Variants in RNF213 observed in about 807,000 individuals in gnomAD.
The protein encoded by RNF213 is ring finger protein 213, also known as E3 ubiquitin-protein ligase RNF213.
Under a neutral mutation model 514.4 loss-of-function variants are expected in RNF213, and 341 were observed. The ratio of observed to expected loss-of-function variants is 0.66; its 90% CI spans 0.61 to 0.73. The LOEUF (loss-of-function observed/expected upper bound fraction) is 0.73, where lower values mean the gene tolerates loss of function less well. Among genes scored for constraint, RNF213 ranks in the 30% least tolerant of loss-of-function variants. The pLI is 0.00. For missense variants in RNF213, 5,767 were observed against 6,615.6 expected, an observed-to-expected ratio of 0.87 and a Z score of 4.45; for synonymous variants, 2,655 against 2,658.2, an observed-to-expected ratio of 1.00 and a Z score of 0.04.
Position 80,361,734 on chromosome 17 carries a change from G to A in RNF213, c.11201G>A (p.Gly3734Glu). Residue 3734 changes from glycine to glutamate, a missense_variant and splice_region_variant, in exon 39 of 68, where the codon GGA becomes GAA. Gly to Glu is a moderately conservative substitution (Grantham distance 98). Transcript: ENST00000582970. Reference protein sequence around the residue: ...VQAQYITDAEGLPKKFVDIFQ... With the variant: ...VQAQYITDAEELPKKFVDIFQ... Reference sequence around the variant, plus strand: ...CCGCTCCTTGGTTTCCTCTCTGCAGGACTGCCCAAGAAGTTCGTGGACATC... The same window carrying A: ...CCGCTCCTTGGTTTCCTCTCTGCAGAACTGCCCAAGAAGTTCGTGGACATC... 23 of 1,613,304 alleles carry A rather than the reference G, an allele frequency of 1.4e-5. No homozygotes were observed. The highest frequency in any genetic ancestry group is 1.9e-5 in the Non-Finnish European group (23 of 1,179,606).
At chr17:80,374,612 C>G in intron 50 of RNF213, 23 bp downstream of exon 50, 1 of 1,613,586 alleles carries the variant, frequency 6.2e-7, no homozygotes, top group Non-Finnish European at 8.5e-7. Flanking sequence ...CGTGGCTTCT[C>G]TCTGATACCA....
Position 80,390,137 on chromosome 17 carries a change from A to C in RNF213, c.15411A>C (p.Ile5137=), listed in dbSNP as rs749870462. The C allele has an allele frequency of 5.6e-6, 9 of 1,614,082 alleles. No individual in the cohort carries two copies. The African/African-American group carries it at 9.3e-5, about 17-fold the overall frequency. Residue 5137 remains isoleucine (I), a synonymous_variant, in exon 67 of 68, where the codon ATA becomes ATC. Coordinates refer to ENST00000582970, the MANE Select transcript of RNF213 (RefSeq NM_001256071.3). ...DAFLLELHEM[I]ILKLKNPQTQ... ...TCCTGCTAGAGCTGCACGAAATGAT[A>C]ATCTTGAAACTAAAGAACCCCCAAA...
chr17:80,280,097 T>A (rs367622664), intron 3 of RNF213, among the ~76,000 whole-genome samples: 25 of 150,124 alleles, frequency 1.7e-4, no homozygotes, highest in African/African-American at 6.3e-4. Flanking sequence ...CTTTCCTCTG[T>A]GGGCTGGGGC....
At chr17:80,348,507 TAC>T (rs1433455542) in intron 29 of RNF213, among the ~76,000 whole-genome samples, 1 of 152,218 alleles carries the variant, frequency 6.6e-6, no homozygotes, top group African/African-American at 2.4e-5. Flanking sequence ...AACAGCACCA[TAC>T]ACAGTGTTCA....
In RNF213 at chr17:80,397,939, A is replaced by G. The variant is rs941135606; in HGVS notation, c.*4441A>G. 1.4e-5 allele frequency: 2 copies of G among 147,354 alleles called. No individual in the cohort carries two copies. The highest frequency in any genetic ancestry group is 3.0e-5 in the Non-Finnish European group (2 of 67,200). 9.1% of individuals were successfully genotyped at this position (147,354 alleles called of 1,614,324 possible). A position where few individuals can be genotyped will look rare whatever the true frequency, so the allele number is the denominator to read the frequency against. On this transcript the variant is annotated 3_prime_UTR_variant, in exon 68 of 68. Coordinates refer to ENST00000582970, the MANE Select transcript of RNF213 (RefSeq NM_001256071.3). ...GCGCTCTCAGGCAGGCAATTGCCCCAGTGGAATGCCTGGCCAGAGCAGTGT... is the reference window on the plus strand; with the variant it reads ...GCGCTCTCAGGCAGGCAATTGCCCCGGTGGAATGCCTGGCCAGAGCAGTGT...
At position 80,353,602 on chromosome 17, in the gene RNF213, A is replaced by C. The variant is rs755356974; in HGVS notation, c.10514A>C (p.Glu3505Ala). The change falls in exon 34 of 68, where the codon GAG (glutamate) becomes GCG (alanine). Residue 3505 changes from glutamate (E) to alanine (A), a missense_variant. By Grantham distance (107) the Glu-to-Ala change is moderately radical. This residue lies in a region of RNF213 where 919 missense variants were observed against 1,121.0 expected (regional missense o/e 0.82). Transcript: ENST00000582970. This position sits in a 1 kb window ranked among gnomAD's most constrained non-coding sequence, Gnocchi z 5.0. ...TSGEVAEVAE[E>A]AMETESSEKV... ...GGGGAGGTGGCAGAGGTGGCAGAGG[A>C]GGCCATGGAAACAGAAAGTTCTGAG... 5 of 1,614,154 alleles carry C rather than the reference A, an allele frequency of 3.1e-6. No homozygotes were observed. Among genetic ancestry groups the C allele is most frequent in the South Asian group, 1.1e-5 (1 of 91,082 alleles).
At chr17:80,352,218 G>A (rs1422914432) in intron 32 of RNF213, 2 of 198,116 alleles carry the variant, frequency 1.0e-5, no homozygotes, top group Admixed American at 1.1e-4. Context: ...TGTACAGTCT[G>A]AAATTAGAAT....
At chr17:80,296,071 G>A (rs531864967) in intron 10 of RNF213, among the ~76,000 whole-genome samples, 1 of 152,290 alleles carries the variant, frequency 6.6e-6, no homozygotes, top group Admixed American at 6.5e-5. Flanking sequence ...CCAGGCTGGA[G>A]TACAGTGGCG....
intron 17 of RNF213, chr17:80,319,847 C>T (rs1180514799): frequency 2.5e-6 from 3 of 1,176,996 alleles, no homozygotes; most frequent in Non-Finnish European, 3.2e-6. Flanking sequence ...GCCACGGCTG[C>T]CCTGCTCACA....
At position 80,360,183 on chromosome 17, in the gene RNF213, C is replaced by A. The variant is rs760127427; in HGVS notation, c.11177C>A (p.Ala3726Asp). Residue 3726 changes from alanine to aspartate, a missense_variant, in exon 38 of 68, where the codon GCT becomes GAT. By Grantham distance (126) the Ala-to-Asp change is moderately radical. This residue lies in a region of RNF213 where 355 missense variants were observed against 358.0 expected (regional missense o/e 0.99). Coordinates refer to ENST00000582970, the MANE Select transcript of RNF213 (RefSeq NM_001256071.3). ...TATCTGGAGGAGCTGTGGGTCCAGG[C>A]TCAGTACATCACAGACGCAGAAGGT... ...KDYLEELWVQAQYITDAEGLP... is the reference protein window; with the variant it reads ...KDYLEELWVQDQYITDAEGLP... The A allele has an allele frequency of 6.2e-7, 1 of 1,613,708 alleles. No individual in the cohort carries two copies. Among genetic ancestry groups the A allele is most frequent in the South Asian group, 1.1e-5 (1 of 90,948 alleles).
intron 17 of RNF213, chr17:80,321,294 C>T (rs2046128854): frequency 6.6e-6 from 1 of 152,134 alleles, no homozygotes; most frequent in Non-Finnish European, 1.5e-5. Flanking sequence ...TCACTTGTGG[C>T]ATCATTATAC....
chr17:80,369,457 T>A, intron 44 of RNF213, 45 bp from the exon 45 acceptor site: 4 of 1,565,684 alleles, frequency 2.6e-6, no homozygotes, highest in Non-Finnish European at 3.5e-6. Context: ...TAAGGAGGCA[T>A]TTGGGAAACA....
chr17:80,303,775 G>A (rs985591463), intron 11 of RNF213, among the ~76,000 whole-genome samples: 1 of 151,380 alleles, frequency 6.6e-6, no homozygotes, highest in African/African-American at 2.4e-5. Flanking sequence ...TTGCCATGTT[G>A]GCCAGGCTGG....
rs1194686663 is a variant in RNF213, at chr17:80,332,426, A to G, written c.3938A>G (p.Lys1313Arg). The G allele has an allele frequency of 2.6e-6, 4 of 1,537,200 alleles. No individual in the cohort carries two copies. In the South Asian group the frequency reaches 4.8e-5, roughly 18 times the overall value. Reference sequence around the variant, plus strand: ...GTCATCTTCAAGGACTTTGTGAATAAATACACGGACCTGGATTCAGAACTT... The same window carrying G: ...GTCATCTTCAAGGACTTTGTGAATAGATACACGGACCTGGATTCAGAACTT... ...IDVIFKDFVNKYTDLDSELKI... is the reference protein window; with the variant it reads ...IDVIFKDFVNRYTDLDSELKI... The change falls in exon 21 of 68, where the codon AAA becomes AGA. Residue 1313 changes from lysine to arginine, a missense_variant. Lys to Arg is a conservative substitution (Grantham distance 26). Around this residue, in one of 13 missense-constraint regions of RNF213, gnomAD observed 516 missense variants for 566.5 expected, o/e 0.91. Transcript: ENST00000582970.
In RNF213 at chr17:80,377,799, G is replaced by A; in HGVS notation, c.13545+3G>A. 8 of 1,614,174 alleles carry A rather than the reference G, an allele frequency of 5.0e-6. No homozygotes were observed. The highest frequency in any genetic ancestry group is 1.3e-5 in the African/African-American group (1 of 75,048). On this transcript the variant is annotated splice_donor_region_variant and intron_variant, in intron 54 of 67. Transcript: ENST00000582970. This position sits in a 1 kb window ranked among gnomAD's most constrained non-coding sequence, Gnocchi z 4.1. ...GCCATCCTTGCTCCGTGGGAGAGGT[G>A]AGTCTTGGTATTTAAGATAGGGTTT...
intron 11 of RNF213, among the ~76,000 whole-genome samples, chr17:80,300,096 G>A (rs536286991): frequency 2.6e-5 from 4 of 152,220 alleles, no homozygotes; most frequent in South Asian, 2.1e-4. Flanking sequence ...GGATTGCTGC[G>A]GTGAATGGTA....
At chr17:80,269,520 ATCC>A (rs753895832) in intron 2 of RNF213, among the ~76,000 whole-genome samples, 24 of 148,814 alleles carry the variant, frequency 1.6e-4, no homozygotes, top group Middle Eastern at 3.5e-3. Context: ...CTATCCATCC[ATCC>A]TCTTTCTATT....
At chr17:80,368,739 A>T (rs1019238523) in intron 44 of RNF213, among the ~76,000 whole-genome samples, 1 of 152,094 alleles carries the variant, frequency 6.6e-6, no homozygotes, top group African/African-American at 2.4e-5. Context: ...GGCCGACGCC[A>T]CTGGTTTTAA....
At chr17:80,382,727 A>G (rs2144609844) in intron 57 of RNF213, 1 of 406,950 alleles carries the variant, frequency 2.5e-6, no homozygotes, top group South Asian at 2.1e-5. Context: ...TCTTTCAGTA[A>G]TTTTTTTCAA....
Sources: allele counts gnomAD v4.1 joint callset (sites outside exome capture counted in the v4.1 genomes callset), GRCh38; gene constraint gnomAD v4.1.1; regional missense constraint gnomAD v4.1.1; non-coding constraint Gnocchi (gnomAD v3.1); transcripts MANE v1.5; gene names NCBI Gene and HGNC (gene_info 2026-07-23, HGNC 2026-07-21).